RANBP2: variants seen among roughly 807,000 people sequenced by gnomAD.
RANBP2 encodes the protein RAN binding protein 2, also known as E3 SUMO-protein ligase RanBP2.
RANBP2 carries 57 observed loss-of-function variants against 303.6 expected under a neutral mutation model. That is an observed-to-expected ratio of 0.19 (90% confidence interval 0.15 to 0.23). The LOEUF (loss-of-function observed/expected upper bound fraction) is 0.23. Among genes scored for constraint, RANBP2 ranks in the 10% least tolerant of loss-of-function variants. RANBP2 has a pLI of 1.00. For missense variants in RANBP2, 3,138 were observed against 3,780.8 expected (o/e 0.83, Z 4.46); for synonymous variants, 1,167 against 1,301.5 (o/e 0.90, Z 2.23).
At chr2:109,620,503 A>C in the RANBP2 span, among the ~76,000 whole-genome samples, 5 of 152,208 alleles carry the variant, frequency 3.3e-5, no homozygotes, top group Non-Finnish European at 2.9e-5. Context: ...GGAGTTCAAG[A>C]CCAGCCTGGC....
the RANBP2 span, among the ~76,000 whole-genome samples, chr2:109,634,769 C>T: frequency 3.9e-5 from 6 of 152,092 alleles, no homozygotes; most frequent in African/African-American, 1.4e-4. Context: ...GGGAAGGAGG[C>T]TTAGATTAGC....
chr2:109,362,374 A>G, the RANBP2 span, among the ~76,000 whole-genome samples: 1 of 152,180 alleles, frequency 6.6e-6, no homozygotes, highest in Non-Finnish European at 1.5e-5. Context: ...TGGGATTTCC[A>G]GCTATCTTTC....
the RANBP2 span, among the ~76,000 whole-genome samples, chr2:109,180,272 C>T: frequency 6.6e-6 from 1 of 152,204 alleles, no homozygotes; most frequent in Non-Finnish European, 1.5e-5. Context: ...ACAATCTCTG[C>T]TTCTCTCTGA....
the RANBP2 span, chr2:109,614,281 TGGCGTG>T: frequency 1.8e-6 from 1 of 548,398 alleles, no homozygotes; most frequent in Non-Finnish European, 2.6e-6. Context: ...CGTGGCCTGG[TGGCGTG>T]GGCGCGGGGC....
the RANBP2 span, among the ~76,000 whole-genome samples, chr2:109,047,006 C>T: frequency 6.6e-6 from 1 of 152,142 alleles, no homozygotes; most frequent in South Asian, 2.1e-4. Flanking sequence ...CCTGCCCTGC[C>T]CTGCCCTGCA....
At chr2:108,813,960 ACTGTATC>A in the RANBP2 span, among the ~76,000 whole-genome samples, 1 of 152,162 alleles carries the variant, frequency 6.6e-6, no homozygotes, top group Non-Finnish European at 1.5e-5. Context: ...TCATTGTATG[ACTGTATC>A]AGAGTTTGTT....
chr2:109,101,354 C>T, the RANBP2 span, among the ~76,000 whole-genome samples: 34 of 152,118 alleles, frequency 2.2e-4, no homozygotes, highest in African/African-American at 4.6e-4. Flanking sequence ...GTGAAACCCC[C>T]GTCTCTACTG....
chr2:109,200,855 C>G, the RANBP2 span, among the ~76,000 whole-genome samples: 1 of 152,242 alleles, frequency 6.6e-6, no homozygotes. Flanking sequence ...TAAGTGCGGC[C>G]TCTCAGCCTG....
chr2:109,517,063 G>C, the RANBP2 span, among the ~76,000 whole-genome samples: 1 of 152,138 alleles, frequency 6.6e-6, no homozygotes, highest in Non-Finnish European at 1.5e-5. Context: ...TGCCTTCCAG[G>C]AACACTGGCC....
chr2:108,745,597 C>CT (rs4012074), intron 7 of RANBP2, among the ~76,000 whole-genome samples: 17 of 147,466 alleles, frequency 1.2e-4, no homozygotes, highest in East Asian at 4.0e-4. Flanking sequence ...ATTCATCATG[C>CT]TTTTTTTTTT....
At chr2:109,764,742 G>T in the RANBP2 span, among the ~76,000 whole-genome samples, 1 of 134,066 alleles carries the variant, frequency 7.5e-6, no homozygotes, top group African/African-American at 3.0e-5. Context: ...TGTGGGTGGG[G>T]GTATTGAGAG....
At chr2:108,817,269 A>G in the RANBP2 span, among the ~76,000 whole-genome samples, 2 of 151,882 alleles carry the variant, frequency 1.3e-5, no homozygotes, top group African/African-American at 2.4e-5. Flanking sequence ...AAAGAGGGCC[A>G]TGAGACATGG....
chr2:109,395,531 G>T, the RANBP2 span, among the ~76,000 whole-genome samples: 1 of 152,190 alleles, frequency 6.6e-6, no homozygotes, highest in African/African-American at 2.4e-5. Flanking sequence ...CCTGCCGTCT[G>T]TTGAAGCTGC....
chr2:108,815,269 G>T, the RANBP2 span, among the ~76,000 whole-genome samples: 1 of 151,900 alleles, frequency 6.6e-6, no homozygotes, highest in East Asian at 1.9e-4. Context: ...TTTAATTGTG[G>T]TGATTCATGC....
the RANBP2 span, among the ~76,000 whole-genome samples, chr2:109,069,423 C>T: frequency 1.2e-4 from 19 of 152,224 alleles, no homozygotes; most frequent in Non-Finnish European, 2.1e-4. Context: ...CAGAAATGGC[C>T]AACTGAATGC....
the RANBP2 span, among the ~76,000 whole-genome samples, chr2:108,851,211 C>T: frequency 3.3e-5 from 5 of 152,168 alleles, no homozygotes; most frequent in African/African-American, 1.2e-4. Flanking sequence ...TCTGTCCCCT[C>T]CCTGGAGCAC....
chr2:108,845,571 ATTTTT>A, the RANBP2 span, among the ~76,000 whole-genome samples: 1 of 111,712 alleles, frequency 9.0e-6, no homozygotes. Context: ...CTTTCATTTG[ATTTTT>A]TTTTTTTTTT....
At chr2:108,793,162 C>G in the RANBP2 span, among the ~76,000 whole-genome samples, 1 of 151,264 alleles carries the variant, frequency 6.6e-6, no homozygotes, top group East Asian at 2.0e-4. Flanking sequence ...TCCAGACCAT[C>G]CTGGCTAACA....
the RANBP2 span, among the ~76,000 whole-genome samples, chr2:108,986,915 C>A: frequency 6.6e-6 from 1 of 152,146 alleles, no homozygotes; most frequent in African/African-American, 2.4e-5. Flanking sequence ...GCTAAGTGGG[C>A]TTAATGTAAG....
Sources: gnomAD v4.1 joint callset for allele counts (sites outside exome capture counted in the v4.1 genomes callset) on GRCh38, gnomAD v4.1.1 for gene constraint, MANE v1.5 for transcripts, NCBI Gene and HGNC (gene_info 2026-07-23, HGNC 2026-07-21) for gene names.